DCDC1: variants seen among roughly 807,000 people sequenced by gnomAD.
DCDC1 encodes doublecortin domain-containing protein 1.
DCDC1 carries 200 observed loss-of-function variants against 178.3 expected under a neutral mutation model. The observed-to-expected ratio is 1.12, with a 90% CI of 1.00 to 1.26. The LOEUF (loss-of-function observed/expected upper bound fraction) is 1.26, where lower values mean the gene tolerates loss of function less well. Among genes scored for constraint, DCDC1 ranks in the 50% most tolerant of loss-of-function variants. The pLI is 0.00. For synonymous variants in DCDC1, 690 were observed against 604.8 expected, an observed-to-expected ratio of 1.14 and a Z score of -2.07; for missense variants, 1,983 against 1,749.2, an observed-to-expected ratio of 1.13 and a Z score of -2.38.
chr11:30,913,014 T>G (rs1161511645), intron 27 of DCDC1, among the ~76,000 whole-genome samples: 3 of 152,204 alleles, frequency 2.0e-5, no homozygotes, highest in Non-Finnish European at 1.5e-5. Context: ...CAAAGCAATA[T>G]GTCAAGGGAA....
intron 16 of DCDC1, among the ~76,000 whole-genome samples, chr11:31,092,435 T>C (rs1957873726): frequency 6.6e-6 from 1 of 152,226 alleles, no homozygotes; most frequent in African/African-American, 2.4e-5. Context: ...AAGCACTTTC[T>C]GTATACCAGA....
intron 8 of DCDC1, among the ~76,000 whole-genome samples, chr11:31,264,333 A>T (rs1944996525): frequency 6.6e-6 from 1 of 152,182 alleles, no homozygotes; most frequent in African/African-American, 2.4e-5. Context: ...AAGGGTGCAT[A>T]CATACAAAAA....
In DCDC1 at chr11:30,975,264, T is replaced by C. The variant is rs185810310; in HGVS notation, c.2592-22696A>G. On this transcript the variant is annotated intron_variant, in intron 20 of 38. Coordinates refer to ENST00000684477, the MANE Select transcript of DCDC1 (RefSeq NM_001387274.1). ...ACATATGACAAACCCACAGCTAACA[T>C]ACTGAATGGGGAAAAGCTAAAAACA... is the stretch of plus-strand genomic sequence containing the variant. Among the ~76,000 whole-genome samples, 466 of 152,068 alleles carry C rather than the reference T, an allele frequency of 3.1e-3. 3 individuals carry two copies. The highest frequency in any genetic ancestry group is 0.011 in the African/African-American group (447 of 41,498).
intron 20 of DCDC1, among the ~76,000 whole-genome samples, chr11:30,967,604 T>G (rs1949510996): frequency 6.6e-6 from 1 of 152,310 alleles, no homozygotes; most frequent in South Asian, 2.1e-4. Context: ...GGGGACCCAC[T>G]TGCCTAGTCT....
At chr11:30,983,895 G>C (rs776379959) in intron 20 of DCDC1, among the ~76,000 whole-genome samples, 95 of 152,166 alleles carry the variant, frequency 6.2e-4, no homozygotes, top group South Asian at 1.9e-3. Context: ...TAAAAATCTG[G>C]TTATCTAAAT....
At chr11:31,034,820 AT>A (rs1347873719) in intron 20 of DCDC1, among the ~76,000 whole-genome samples, 7 of 152,188 alleles carry the variant, frequency 4.6e-5, no homozygotes, top group African/African-American at 1.4e-4. Context: ...TCTGATTGGC[AT>A]TTTTGTTAAT....
intron 37 of DCDC1, among the ~76,000 whole-genome samples, chr11:30,879,009 A>G (rs998195462): frequency 1.3e-5 from 2 of 152,168 alleles, no homozygotes; most frequent in Admixed American, 1.3e-4. Flanking sequence ...AGAAAGCAGC[A>G]GTGAGAACAG....
chr11:31,155,369 T>C (rs1256050150), intron 9 of DCDC1, among the ~76,000 whole-genome samples: 1 of 152,230 alleles, frequency 6.6e-6, no homozygotes, highest in African/African-American at 2.4e-5. Flanking sequence ...GTCTCACTTA[T>C]CTTTAAGAAA....
At chr11:31,000,472 C>T (rs563448532) in intron 20 of DCDC1, among the ~76,000 whole-genome samples, 3 of 152,100 alleles carry the variant, frequency 2.0e-5, no homozygotes, top group South Asian at 2.1e-4. Context: ...ATTTCAGAGC[C>T]CTTTTCTGTA....
intron 3 of DCDC1, among the ~76,000 whole-genome samples, chr11:31,315,782 T>G (rs936448520): frequency 9.1e-6 from 1 of 109,528 alleles, no homozygotes; most frequent in African/African-American, 4.3e-5. Context: ...ATTAGGTATA[T>G]CTCCCAATGC....
chr11:30,920,737 A>G, intron 25 of DCDC1, 39 bp downstream of exon 25: 8 of 1,605,794 alleles, frequency 5.0e-6, no homozygotes, highest in Non-Finnish European at 6.8e-6. Context: ...GAGTTCAAAA[A>G]GCAGCCAGGT....
chr11:30,915,540 A>G lies in DCDC1; in HGVS notation c.3624T>C (p.His1208=). The G allele has an allele frequency of 6.2e-7, 1 of 1,613,980 alleles. No individual in the cohort carries two copies. Residue 1208 remains histidine (H), a synonymous_variant, in exon 27 of 39, where the codon CAT becomes CAC. Coordinates refer to ENST00000684477, the MANE Select transcript of DCDC1 (RefSeq NM_001387274.1). The stretch of plus-strand genomic sequence containing the variant: ...TGTCTTCCTGGTGTATCCAGCGCTG[A>G]TGACTACCATCAGATTTCTTCTCCA... ...VLVEKKSDGS[H]QRWIHQEDSR... is the part of the protein sequence containing the mutation.
chr11:31,243,314 T>C lies in DCDC1; in HGVS notation c.1055-1698A>G, dbSNP rs150747304. Among the ~76,000 whole-genome samples, 881 of 151,912 alleles carry C rather than the reference T, an allele frequency of 5.8e-3. 6 individuals carry two copies. The highest frequency in any genetic ancestry group is 0.02 in the African/African-American group (842 of 41,534). The stretch of plus-strand genomic sequence containing the variant: ...TTATTGCTACACATTCATATATTAC[T>C]ATGTGTTAGATTTTAATTCATACAC... On this transcript the variant is annotated intron_variant, in intron 8 of 38. Coordinates refer to ENST00000684477, the MANE Select transcript of DCDC1 (RefSeq NM_001387274.1).
intron 36 of DCDC1, among the ~76,000 whole-genome samples, chr11:30,886,829 G>C (rs984160518): frequency 1.3e-5 from 2 of 151,910 alleles, no homozygotes; most frequent in East Asian, 3.9e-4. Context: ...AAAATGAGGA[G>C]CTATATAGAG....
At chr11:31,350,380 T>G (rs1564918453) in intron 1 of DCDC1, among the ~76,000 whole-genome samples, 1 of 152,054 alleles carries the variant, frequency 6.6e-6, no homozygotes. Flanking sequence ...AGGAAAACAT[T>G]TAATTAAAAG....
intron 7 of DCDC1, among the ~76,000 whole-genome samples, chr11:31,273,267 G>A (rs998054375): frequency 1.3e-5 from 2 of 152,100 alleles, no homozygotes; most frequent in Admixed American, 6.5e-5. Context: ...TGAATTGTTA[G>A]GCTGTAAATT....
chr11:30,906,803 T>G, intron 29 of DCDC1, 78 bp from the exon 30 acceptor site: 1 of 1,304,910 alleles, frequency 7.7e-7, no homozygotes, highest in Non-Finnish European at 1.0e-6. Context: ...TTTTACAATA[T>G]AAATATAGCA....
At chr11:31,039,346 A>G (rs1282793521) in intron 20 of DCDC1, among the ~76,000 whole-genome samples, 1 of 152,190 alleles carries the variant, frequency 6.6e-6, no homozygotes, top group Non-Finnish European at 1.5e-5. Flanking sequence ...TGTTACCAAA[A>G]TGTAATGCTT....
intron 6 of DCDC1, among the ~76,000 whole-genome samples, chr11:31,294,513 G>A (rs1485288587): frequency 6.8e-6 from 1 of 148,146 alleles, no homozygotes; most frequent in Non-Finnish European, 1.5e-5. Context: ...AACTCGGGAG[G>A]CAGAGGTTGC....
Sources: gnomAD v4.1 joint callset for allele counts (sites outside exome capture counted in the v4.1 genomes callset) on GRCh38, gnomAD v4.1.1 for gene constraint, MANE v1.5 for transcripts, NCBI Gene and HGNC (gene_info 2026-07-23, HGNC 2026-07-21) for gene names.